Variants in CFAP299 observed in about 807,000 individuals in gnomAD.
The protein encoded by CFAP299 is cilia and flagella associated protein 299, also known as cilia- and flagella-associated protein 299.
CFAP299 carries 21 observed loss-of-function variants against 27.0 expected under a neutral mutation model. The observed-to-expected ratio is 0.78, with a 90% CI of 0.55 to 1.12. The LOEUF (loss-of-function observed/expected upper bound fraction) is 1.12. Ranked by LOEUF, CFAP299 falls within the 50% of genes most tolerant of loss-of-function variation. CFAP299 has a pLI of 0.00. For synonymous variants in CFAP299, 104 were observed against 98.1 expected (o/e 1.06, Z -0.36); for missense variants, 310 against 276.6 (o/e 1.12, Z -0.86).
At chr4:80,387,688 G>C (rs1278619452) in intron 2 of CFAP299, 1 of 1,573,814 alleles carries the variant, frequency 6.4e-7, no homozygotes, top group Non-Finnish European at 8.7e-7. Context: ...CTGGGCAAAG[G>C]CATGGCCACA....
intron 2 of CFAP299, among the ~76,000 whole-genome samples, chr4:80,423,358 A>C (rs568811960): frequency 7.9e-5 from 12 of 152,372 alleles, no homozygotes; most frequent in African/African-American, 2.9e-4. Context: ...GGGGAGCCCC[A>C]AAATAAGTAA....
intron 2 of CFAP299, among the ~76,000 whole-genome samples, chr4:80,494,110 C>G (rs1220852254): frequency 6.6e-6 from 1 of 152,146 alleles, no homozygotes; most frequent in Non-Finnish European, 1.5e-5. Flanking sequence ...AGAGTGAATC[C>G]CACCTCCATG....
chr4:80,709,637 C>T (rs1158188975), intron 3 of CFAP299, among the ~76,000 whole-genome samples: 1 of 152,148 alleles, frequency 6.6e-6, no homozygotes, highest in African/African-American at 2.4e-5. Flanking sequence ...GAACACCGAT[C>T]AGGTCCTTGA....
At chr4:80,884,523 T>C (rs575561546) in intron 4 of CFAP299, among the ~76,000 whole-genome samples, 1 of 152,108 alleles carries the variant, frequency 6.6e-6, no homozygotes, top group African/African-American at 2.4e-5. Context: ...GTTCCAAAAG[T>C]GTGTAGCAAT....
intron 2 of CFAP299, among the ~76,000 whole-genome samples, chr4:80,507,227 T>C (rs1233560901): frequency 6.6e-6 from 1 of 152,046 alleles, no homozygotes; most frequent in Non-Finnish European, 1.5e-5. Context: ...TAATCTCAAT[T>C]CATCATATTG....
At chr4:80,637,999 A>G (rs1352459297) in intron 3 of CFAP299, among the ~76,000 whole-genome samples, 1 of 152,182 alleles carries the variant, frequency 6.6e-6, no homozygotes, top group Non-Finnish European at 1.5e-5. Flanking sequence ...AACTTTCTAC[A>G]TGTAATTAGC....
chr4:80,521,145 T>C (rs972261911), intron 2 of CFAP299, among the ~76,000 whole-genome samples: 2 of 152,118 alleles, frequency 1.3e-5, no homozygotes, highest in Admixed American at 6.5e-5. Flanking sequence ...TATTCGAAAT[T>C]GGAATGATGG....
At chr4:80,667,620 C>T (rs994723028) in intron 3 of CFAP299, among the ~76,000 whole-genome samples, 28 of 152,102 alleles carry the variant, frequency 1.8e-4, no homozygotes, top group Non-Finnish European at 4.0e-4. Context: ...TATATCATGA[C>T]TTCCAGTTCT....
chr4:80,871,629 T>G, intron 4 of CFAP299: 1 of 983,010 alleles, frequency 1.0e-6, no homozygotes, highest in Non-Finnish European at 1.2e-6. Context: ...TTGTTTTTCA[T>G]CACCACCTTT....
At chr4:80,916,471 C>T (rs546855084) in intron 4 of CFAP299, among the ~76,000 whole-genome samples, 79 of 151,562 alleles carry the variant, frequency 5.2e-4, no homozygotes, top group Middle Eastern at 3.4e-3. Context: ...AAATTTCTGA[C>T]GCTTGTTTTA....
chr4:80,955,901 G>A (rs1738040307), intron 5 of CFAP299, among the ~76,000 whole-genome samples: 1 of 152,176 alleles, frequency 6.6e-6, no homozygotes, highest in Non-Finnish European at 1.5e-5. Flanking sequence ...TCAGGAGGCT[G>A]AGGCAGAAAA....
chr4:80,736,413 A>G (rs1054362327), intron 3 of CFAP299, among the ~76,000 whole-genome samples: 26 of 152,242 alleles, frequency 1.7e-4, no homozygotes, highest in Non-Finnish European at 2.9e-4. Flanking sequence ...CAACCTACTC[A>G]TCTGACAAAG....
At chr4:80,664,606 A>T (rs1380098296) in intron 3 of CFAP299, among the ~76,000 whole-genome samples, 1 of 152,116 alleles carries the variant, frequency 6.6e-6, no homozygotes, top group East Asian at 1.9e-4. Context: ...TCCCAGGTTG[A>T]CTTTAGACTG....
At chr4:80,839,115 T>C (rs1363520012) in intron 3 of CFAP299, among the ~76,000 whole-genome samples, 5 of 152,178 alleles carry the variant, frequency 3.3e-5, no homozygotes, top group African/African-American at 1.2e-4. Context: ...AAAGGTTTCC[T>C]TCCAAAAGAA....
At chr4:80,555,155 T>C (rs1010339968) in intron 2 of CFAP299, among the ~76,000 whole-genome samples, 7 of 152,132 alleles carry the variant, frequency 4.6e-5, no homozygotes, top group African/African-American at 1.7e-4. Context: ...ATGGCTCTTG[T>C]TATTTTGAGG....
At chr4:80,382,788 A>G (rs1276564079) in intron 2 of CFAP299, among the ~76,000 whole-genome samples, 1 of 152,180 alleles carries the variant, frequency 6.6e-6, no homozygotes, top group Non-Finnish European at 1.5e-5. Flanking sequence ...AGCTAAAAAC[A>G]GAACTACCAT....
chr4:80,417,915 C>A (rs116295218), intron 2 of CFAP299, among the ~76,000 whole-genome samples: 1 of 152,066 alleles, frequency 6.6e-6, no homozygotes, highest in Non-Finnish European at 1.5e-5. Context: ...GAAAAAGCGA[C>A]AAGGTACCAT....
At chr4:80,894,827 T>C (rs899207974) in intron 4 of CFAP299, among the ~76,000 whole-genome samples, 1 of 151,908 alleles carries the variant, frequency 6.6e-6, no homozygotes, top group Admixed American at 6.6e-5. Flanking sequence ...TGGAATATTA[T>C]TCAGCCTTGA....
intron 3 of CFAP299, among the ~76,000 whole-genome samples, chr4:80,609,460 A>C (rs955374419): frequency 6.6e-6 from 1 of 152,060 alleles, no homozygotes; most frequent in Non-Finnish European, 1.5e-5. Flanking sequence ...GTTGGTTTAT[A>C]GGGTTTATTT....
Sources: gnomAD v4.1 joint callset for allele counts (sites outside exome capture counted in the v4.1 genomes callset) on GRCh38, gnomAD v4.1.1 for gene constraint, MANE v1.5 for transcripts, NCBI Gene and HGNC (gene_info 2026-07-23, HGNC 2026-07-21) for gene names.